CD1B: variants seen among roughly 807,000 people sequenced by gnomAD.
CD1B encodes the protein CD1b molecule, also known as T-cell surface glycoprotein CD1b.
A neutral mutation model predicts 39.8 loss-of-function variants in CD1B; 43 were observed. The observed-to-expected ratio is 1.08, with a 90% CI of 0.85 to 1.39. The LOEUF (loss-of-function observed/expected upper bound fraction) is 1.39, where lower values mean the gene tolerates loss of function less well. CD1B is among the 40% of genes most tolerant of loss of function. CD1B has a pLI of 0.00. For synonymous variants in CD1B, 192 were observed against 152.5 expected (o/e 1.26, Z -1.91); for missense variants, 495 against 403.8 (o/e 1.23, Z -1.94).
the CD1B span, among the ~76,000 whole-genome samples, chr1:158,295,831 T>C: frequency 6.8e-6 from 1 of 147,092 alleles, no homozygotes; most frequent in Non-Finnish European, 1.5e-5. Context: ...CCAAATAGCT[T>C]CTGTCACTGG....
At chr1:158,311,073 T>A in the CD1B span, among the ~76,000 whole-genome samples, 341 of 152,212 alleles carry the variant, frequency 2.2e-3, 2 homozygotes, top group African/African-American at 8.0e-3. Context: ...TGGAAAAAAA[T>A]AATTTTTAAA....
rs1266388111 is a variant in CD1B, at chr1:158,329,500, G to A, written c.756C>T (p.Asp252=). 3 of 1,614,142 alleles carry A rather than the reference G, an allele frequency of 1.9e-6. No homozygotes were observed. The highest frequency in any genetic ancestry group is 1.1e-5 in the South Asian group (1 of 91,080). ...ATGTCCAGTTAGCATTGGGCAGGAT[G>A]TCCCCTAGCTGAGTGCCCTGCTGCT... ...EQEQQGTQLG[D]ILPNANWTWY... is the part of the protein sequence containing the mutation. Residue 252 remains aspartate (D), a synonymous_variant, in exon 4 of 6, where the codon GAC becomes GAT. Coordinates refer to ENST00000368168, the MANE Select transcript of CD1B (RefSeq NM_001764.3).
the CD1B span, among the ~76,000 whole-genome samples, chr1:158,301,916 G>A: frequency 6.6e-6 from 1 of 152,020 alleles, no homozygotes; most frequent in East Asian, 1.9e-4. Flanking sequence ...TCACTTTCAG[G>A]TACACAAATC....
At chr1:158,292,017 T>G in the CD1B span, 1 of 1,483,916 alleles carries the variant, frequency 6.7e-7, no homozygotes, top group Non-Finnish European at 9.1e-7. Context: ...GATACAGCCC[T>G]AGGTTTTTAT....
the CD1B span, among the ~76,000 whole-genome samples, chr1:158,318,622 G>A: frequency 1.3e-5 from 2 of 152,164 alleles, no homozygotes; most frequent in South Asian, 2.1e-4. Flanking sequence ...TATCCAATTT[G>A]CCAGTCTGTG....
At chr1:158,310,120 C>T in the CD1B span, among the ~76,000 whole-genome samples, 1 of 152,004 alleles carries the variant, frequency 6.6e-6, no homozygotes, top group Non-Finnish European at 1.5e-5. Flanking sequence ...GAAAAACAAA[C>T]ACATAGATAA....
the CD1B span, among the ~76,000 whole-genome samples, chr1:158,320,582 C>G: frequency 6.6e-6 from 1 of 152,066 alleles, no homozygotes; most frequent in Non-Finnish European, 1.5e-5. Flanking sequence ...GAGACGAACC[C>G]GGTACCTCAG....
chr1:158,306,600 T>C, the CD1B span, among the ~76,000 whole-genome samples: 1 of 152,018 alleles, frequency 6.6e-6, no homozygotes, highest in Non-Finnish European at 1.5e-5. Flanking sequence ...TCTACAGAAC[T>C]CTCCACCCCA....
downstream of CD1B, among the ~76,000 whole-genome samples, chr1:158,324,982 C>T (rs1430091327): frequency 6.6e-6 from 1 of 151,866 alleles, no homozygotes; most frequent in African/African-American, 2.4e-5. Context: ...CATGAGTATA[C>T]AATTATGCAA....
the CD1B span, among the ~76,000 whole-genome samples, chr1:158,302,061 C>T: frequency 6.6e-6 from 1 of 152,022 alleles, no homozygotes. Context: ...ATTTTCAACA[C>T]ATTCAAAAAA....
the CD1B span, among the ~76,000 whole-genome samples, chr1:158,302,805 C>A: frequency 1.3e-5 from 2 of 151,950 alleles, no homozygotes; most frequent in Admixed American, 1.3e-4. Flanking sequence ...GGTTGCCAAT[C>A]AGAAAAAGCC....
the CD1B span, among the ~76,000 whole-genome samples, chr1:158,295,748 C>T: frequency 6.6e-6 from 1 of 151,984 alleles, no homozygotes; most frequent in African/African-American, 2.4e-5. Context: ...GCAGCACAGC[C>T]TCAGATGTTC....
chr1:158,297,952 A>C, the CD1B span, among the ~76,000 whole-genome samples: 34 of 150,114 alleles, frequency 2.3e-4, no homozygotes, highest in Non-Finnish European at 3.6e-4. Context: ...AAAAAGACAA[A>C]AAAAAAAAAA....
chr1:158,305,234 G>A, the CD1B span, among the ~76,000 whole-genome samples: 1 of 152,164 alleles, frequency 6.6e-6, no homozygotes, highest in Non-Finnish European at 1.5e-5. Flanking sequence ...ATGCAGAGAA[G>A]TCTTTAAAGG....
chr1:158,305,881 T>C, the CD1B span, among the ~76,000 whole-genome samples: 5 of 152,196 alleles, frequency 3.3e-5, no homozygotes, highest in Non-Finnish European at 7.3e-5. Flanking sequence ...AAGCAAATGC[T>C]GAGAGATTTT....
chr1:158,301,169 T>C, the CD1B span, among the ~76,000 whole-genome samples: 1 of 152,166 alleles, frequency 6.6e-6, no homozygotes, highest in Non-Finnish European at 1.5e-5. Context: ...CCCTTTATTT[T>C]GAGCCTATGT....
At chr1:158,292,241 C>G in the CD1B span, 7 of 1,614,192 alleles carry the variant, frequency 4.3e-6, no homozygotes, top group Non-Finnish European at 5.9e-6. Flanking sequence ...CCCAAAGTGT[C>G]TGTCATCTAC....
chr1:158,320,427 G>A, the CD1B span, among the ~76,000 whole-genome samples: 10 of 152,158 alleles, frequency 6.6e-5, no homozygotes, highest in Non-Finnish European at 1.5e-4. Context: ...TTTTCCAGGT[G>A]CCGTCCGTCA....
At chr1:158,311,902 T>C in the CD1B span, among the ~76,000 whole-genome samples, 6 of 152,210 alleles carry the variant, frequency 3.9e-5, no homozygotes, top group African/African-American at 1.4e-4. Context: ...ACTATAGTTT[T>C]GTAGTATATT....
Sources: gnomAD v4.1 joint callset for allele counts (sites outside exome capture counted in the v4.1 genomes callset) on GRCh38, gnomAD v4.1.1 for gene constraint, MANE v1.5 for transcripts, NCBI Gene and HGNC (gene_info 2026-07-23, HGNC 2026-07-21) for gene names.